SLC25A21: variants seen among roughly 807,000 people sequenced by gnomAD.
SLC25A21 encodes the protein mitochondrial 2-oxodicarboxylate carrier.
A neutral mutation model predicts 43.8 loss-of-function variants in SLC25A21; 47 were observed. The observed-to-expected ratio is 1.07, with a 90% CI of 0.85 to 1.37. The LOEUF (loss-of-function observed/expected upper bound fraction) is 1.37, where lower values mean the gene tolerates loss of function less well. Among genes scored for constraint, SLC25A21 ranks in the 40% most tolerant of loss-of-function variants. The pLI, the probability that SLC25A21 is intolerant of heterozygous loss-of-function variation, is 0.00. For synonymous variants in SLC25A21, 131 were observed against 121.3 expected (o/e 1.08, Z -0.52); for missense variants, 352 against 350.2 (o/e 1.00, Z -0.04).
rs545690274 is a variant in SLC25A21 at position 37,130,021 on chromosome 14, G to A, written c.70+42260C>T. Reference sequence around the variant, plus strand: ...AATCCCAGCACTTTGGGAGGCTGAGGCAGGAGAATCACTTGAGGCCAGGAG... The same window carrying A: ...AATCCCAGCACTTTGGGAGGCTGAGACAGGAGAATCACTTGAGGCCAGGAG... On this transcript the variant is annotated intron_variant, in intron 1 of 9. Transcript: ENST00000331299. 8.8e-5 allele frequency among the ~76,000 whole-genome samples: 13 copies of A among 147,492 alleles called. No homozygotes were observed. In the East Asian group the frequency reaches 2.7e-3, roughly 30 times the overall value.
chr14:37,130,134 A>G (rs1430436775), intron 1 of SLC25A21, among the ~76,000 whole-genome samples: 1 of 151,240 alleles, frequency 6.6e-6, no homozygotes, highest in Non-Finnish European at 1.5e-5. Flanking sequence ...ATGGTGGTGC[A>G]TGCCTGTAGT....
intron 2 of SLC25A21, among the ~76,000 whole-genome samples, chr14:36,854,023 C>T (rs1315676932): frequency 6.6e-6 from 1 of 152,184 alleles, no homozygotes; most frequent in Admixed American, 6.5e-5. Context: ...GACCTGTGTA[C>T]ATTTAAAGCA....
intron 1 of SLC25A21, among the ~76,000 whole-genome samples, chr14:37,085,395 A>G (rs572353184): frequency 3.0e-4 from 46 of 152,140 alleles, no homozygotes; most frequent in African/African-American, 1.1e-3. Context: ...TAAACATTCT[A>G]TCAATATTTA....
intron 3 of SLC25A21, among the ~76,000 whole-genome samples, chr14:36,786,862 G>A (rs1250216397): frequency 6.6e-6 from 1 of 152,112 alleles, no homozygotes; most frequent in Non-Finnish European, 1.5e-5. Flanking sequence ...AAATGTTCCC[G>A]GCCCAGCCTC....
intron 1 of SLC25A21, among the ~76,000 whole-genome samples, chr14:37,056,313 A>T (rs959288633): frequency 3.3e-5 from 5 of 151,792 alleles, no homozygotes; most frequent in African/African-American, 1.2e-4. Context: ...ACACAGTGAA[A>T]CCCCGTCTCT....
chr14:37,068,937 G>A (rs1962116453), intron 1 of SLC25A21, among the ~76,000 whole-genome samples: 1 of 152,192 alleles, frequency 6.6e-6, no homozygotes, highest in African/African-American at 2.4e-5. Flanking sequence ...CACTTTGGGA[G>A]GTCGAGGCGG....
rs546925501 is a variant in SLC25A21 at position 36,728,336 on chromosome 14, C to T, written c.330+1171G>A. On this transcript the variant is annotated intron_variant, in intron 5 of 9. Coordinates refer to ENST00000331299, the MANE Select transcript of SLC25A21 (RefSeq NM_030631.4). ...AGACCTACAGTTTCTCACATGGTAC[C>T]AATGTTTGACACAAGAACAGCCAGC... Among the ~76,000 whole-genome samples the T allele has an allele frequency of 1.8e-4, 27 of 152,294 alleles. No homozygotes were observed. The South Asian group carries it at 2.1e-3, about 12-fold the overall frequency.
At chr14:36,709,993 C>T (rs191837943) in intron 7 of SLC25A21, among the ~76,000 whole-genome samples, 9 of 152,238 alleles carry the variant, frequency 5.9e-5, no homozygotes, top group African/African-American at 2.2e-4. Context: ...GGCTTAAAAG[C>T]ACATCCTGTG....
intron 7 of SLC25A21, among the ~76,000 whole-genome samples, 172 bp from the exon 8 acceptor site, chr14:36,685,097 C>T (rs1395789021): frequency 6.6e-6 from 1 of 152,158 alleles, no homozygotes; most frequent in Non-Finnish European, 1.5e-5. Flanking sequence ...CTTGACAATC[C>T]CATTGGCTAT....
In SLC25A21 at chr14:36,959,269, G is replaced by A. The variant is rs753744657; in HGVS notation, c.71-84265C>T. On this transcript the variant is annotated intron_variant, in intron 1 of 9. Coordinates refer to ENST00000331299, the MANE Select transcript of SLC25A21 (RefSeq NM_030631.4). ...CCCTATGATGCAGTGAAGGAAAATG[G>A]GGTTGCCTGCTTTGACTGTTAGATC... Among the ~76,000 whole-genome samples the A allele has an allele frequency of 4.1e-4, 62 of 151,982 alleles. 1 individual carries two copies. Among genetic ancestry groups the A allele is most frequent in the Non-Finnish European group, 1.0e-4 (7 of 67,994 alleles).
At chr14:36,792,617 TC>T (rs1289174601) in intron 3 of SLC25A21, among the ~76,000 whole-genome samples, 2 of 152,152 alleles carry the variant, frequency 1.3e-5, no homozygotes, top group African/African-American at 4.8e-5. Flanking sequence ...AGCTAATGAC[TC>T]CCTGAAAAAT....
At chr14:36,707,793 GA>G (rs1211231464) in intron 7 of SLC25A21, among the ~76,000 whole-genome samples, 1 of 152,226 alleles carries the variant, frequency 6.6e-6, no homozygotes, top group East Asian at 1.9e-4. Context: ...CTACTGTACA[GA>G]GAAGATTACA....
chr14:36,805,520 T>C (rs989943695), intron 3 of SLC25A21, among the ~76,000 whole-genome samples: 2 of 152,170 alleles, frequency 1.3e-5, no homozygotes, highest in Non-Finnish European at 2.9e-5. Context: ...GGGGAGGAAC[T>C]GTTACTTTAC....
At chr14:36,693,431 C>G (rs1882878198) in intron 7 of SLC25A21, among the ~76,000 whole-genome samples, 1 of 151,994 alleles carries the variant, frequency 6.6e-6, no homozygotes, top group Non-Finnish European at 1.5e-5. Flanking sequence ...AGATGAGAGA[C>G]TCAACATTAA....
chr14:36,941,047 T>A (rs1004000990), intron 1 of SLC25A21, among the ~76,000 whole-genome samples: 4 of 152,094 alleles, frequency 2.6e-5, no homozygotes, highest in Admixed American at 6.6e-5. Flanking sequence ...GTAAAAGAAT[T>A]ATGCAGTATA....
At chr14:36,924,888 A>T (rs1255122525) in intron 1 of SLC25A21, among the ~76,000 whole-genome samples, 1 of 152,090 alleles carries the variant, frequency 6.6e-6, no homozygotes, top group African/African-American at 2.4e-5. Context: ...GCTATTTTAT[A>T]TAAGGGACTT....
intron 1 of SLC25A21, among the ~76,000 whole-genome samples, chr14:37,033,919 T>C (rs1961271896): frequency 2.6e-5 from 4 of 152,200 alleles, no homozygotes; most frequent in Non-Finnish European, 5.9e-5. Flanking sequence ...TGATAAACCA[T>C]TTGATTTCCA....
chr14:37,154,664 T>C (rs185999740), intron 1 of SLC25A21, among the ~76,000 whole-genome samples: 128 of 150,564 alleles, frequency 8.5e-4, no homozygotes, highest in African/African-American at 3.0e-3. Flanking sequence ...TTTTTTGAGA[T>C]GGAGTTTCAC....
At chr14:36,784,912 T>C (rs1286693871) in intron 3 of SLC25A21, among the ~76,000 whole-genome samples, 1 of 152,214 alleles carries the variant, frequency 6.6e-6, no homozygotes, top group African/African-American at 2.4e-5. Flanking sequence ...AAATATTTAA[T>C]GTAGGGAGCA....
Sources: gnomAD v4.1 joint callset for allele counts (sites outside exome capture counted in the v4.1 genomes callset) on GRCh38, gnomAD v4.1.1 for gene constraint, MANE v1.5 for transcripts, NCBI Gene and HGNC (gene_info 2026-07-23, HGNC 2026-07-21) for gene names.